Variants in EXOC4 observed in about 807,000 individuals in gnomAD.
EXOC4 encodes the protein SEC8-like 1.
EXOC4 carries 71 observed loss-of-function variants against 107.2 expected under a neutral mutation model. That is an observed-to-expected ratio of 0.66 (90% confidence interval 0.55 to 0.81). The LOEUF is 0.81. EXOC4 is among the 30% of genes least tolerant of loss of function. EXOC4 has a pLI of 0.00. For synonymous variants in EXOC4, 456 were observed against 441.2 expected (o/e 1.03, Z -0.42); for missense variants, 1,108 against 1,189.6 (o/e 0.93, Z 1.01).
At chr7:133,478,065 AG>A (rs1231558286) in intron 8 of EXOC4, among the ~76,000 whole-genome samples, 1 of 152,124 alleles carries the variant, frequency 6.6e-6, no homozygotes, top group Non-Finnish European at 1.5e-5. Flanking sequence ...TAGAAGGAAA[AG>A]GTAGTTGGTA....
chr7:133,567,843 C>T (rs1035375086), intron 9 of EXOC4, among the ~76,000 whole-genome samples: 4 of 152,090 alleles, frequency 2.6e-5, no homozygotes, highest in Admixed American at 1.3e-4. Flanking sequence ...AATTCATTCC[C>T]GTGATAGGAA....
intron 10 of EXOC4, among the ~76,000 whole-genome samples, chr7:133,741,434 TTAACA>T (rs1384415651): frequency 3.9e-5 from 6 of 152,206 alleles, no homozygotes; most frequent in Admixed American, 1.3e-4. Flanking sequence ...CTTTCTTTAG[TTAACA>T]TAACACCTCG....
rs560673470 is a variant in EXOC4, at chr7:134,053,267, C to T, written c.2688-11024C>T. On this transcript the variant is annotated intron_variant, in intron 17 of 17. Coordinates refer to ENST00000253861, the MANE Select transcript of EXOC4 (RefSeq NM_021807.4). ...AAAAAAAAAAAGAAGAAGAATTCAG[C>T]CCTGCTCCAGTAGAACCTGCATTGG... Among the ~76,000 whole-genome samples, 3 of 152,010 alleles carry T rather than the reference C, an allele frequency of 2.0e-5. No individual in the cohort carries two copies. In the East Asian group the frequency reaches 5.8e-4, roughly 29 times the overall value.
chr7:133,557,979 A>C (rs1800726982), intron 9 of EXOC4, among the ~76,000 whole-genome samples: 1 of 152,154 alleles, frequency 6.6e-6, no homozygotes, highest in Non-Finnish European at 1.5e-5. Context: ...ACAGAGCAAG[A>C]CTTCTTCTCA....
chr7:133,350,387 T>C (rs1795881814), intron 5 of EXOC4, among the ~76,000 whole-genome samples: 1 of 152,094 alleles, frequency 6.6e-6, no homozygotes, highest in African/African-American at 2.4e-5. Flanking sequence ...ATTTTTTGTA[T>C]GTAGATATTG....
intron 14 of EXOC4, among the ~76,000 whole-genome samples, chr7:133,964,965 A>G (rs1466565126): frequency 2.0e-5 from 3 of 152,150 alleles, no homozygotes; most frequent in East Asian, 3.9e-4. Context: ...AAGCATTCCT[A>G]TTTCTCCACA....
chr7:134,002,410 T>C (rs1456245086), intron 15 of EXOC4, among the ~76,000 whole-genome samples: 1 of 152,156 alleles, frequency 6.6e-6, no homozygotes, highest in Non-Finnish European at 1.5e-5. Flanking sequence ...ATGATCTTTT[T>C]TAGGCAAAGA....
chr7:133,480,183 T>C, intron 9 of EXOC4, 45 bp downstream of exon 9: 1 of 1,600,078 alleles, frequency 6.2e-7, no homozygotes, highest in South Asian at 1.1e-5. Context: ...TCTGGAGGAG[T>C]ATTTCCTTTA....
intron 5 of EXOC4, among the ~76,000 whole-genome samples, chr7:133,343,596 G>GT (rs1415362333): frequency 0.014 from 2,005 of 141,958 alleles, 23 homozygotes; most frequent in African/African-American, 0.041. Flanking sequence ...TTTTAGTTCC[G>GT]TTTTTTTTTT....
At chr7:133,697,397 T>C (rs550532841) in intron 10 of EXOC4, among the ~76,000 whole-genome samples, 7 of 152,248 alleles carry the variant, frequency 4.6e-5, no homozygotes, top group Non-Finnish European at 8.8e-5. Flanking sequence ...AAGTAAATGT[T>C]ATTATTTCCC....
At chr7:133,345,718 G>A (rs1047426500) in intron 5 of EXOC4, among the ~76,000 whole-genome samples, 1 of 151,962 alleles carries the variant, frequency 6.6e-6, no homozygotes, top group African/African-American at 2.4e-5. Flanking sequence ...CCACTTTCAC[G>A]TACGGGAGGA....
intron 5 of EXOC4, among the ~76,000 whole-genome samples, chr7:133,326,781 G>A (rs1029540277): frequency 3.9e-5 from 6 of 152,208 alleles, no homozygotes; most frequent in South Asian, 4.1e-4. Flanking sequence ...GCTGCCTTTC[G>A]TTCGGCTATG....
intron 1 of EXOC4, among the ~76,000 whole-genome samples, chr7:133,272,411 A>T (rs1022757128): frequency 3.3e-5 from 5 of 152,204 alleles, no homozygotes; most frequent in Admixed American, 6.5e-5. Flanking sequence ...CAGCTGTTTC[A>T]TCTGTAAAAA....
At chr7:133,710,270 C>G (rs1794857413) in intron 10 of EXOC4, among the ~76,000 whole-genome samples, 1 of 152,082 alleles carries the variant, frequency 6.6e-6, no homozygotes, top group Admixed American at 6.5e-5. Flanking sequence ...CCCTCTTGCT[C>G]AAAGGCCTGG....
intron 9 of EXOC4, among the ~76,000 whole-genome samples, chr7:133,603,000 A>G (rs1801844108): frequency 7.0e-6 from 1 of 143,298 alleles, no homozygotes; most frequent in African/African-American, 2.7e-5. Context: ...AATGTCTACT[A>G]CTACCCCAGT....
intron 10 of EXOC4, among the ~76,000 whole-genome samples, chr7:133,718,927 T>G (rs1009304808): frequency 1.3e-5 from 2 of 152,098 alleles, no homozygotes; most frequent in Non-Finnish European, 2.9e-5. Flanking sequence ...GGGCCCTTAA[T>G]GTAAGACCAA....
chr7:134,060,652 T>C (rs1796034874), intron 17 of EXOC4, among the ~76,000 whole-genome samples: 1 of 152,244 alleles, frequency 6.6e-6, no homozygotes, highest in African/African-American at 2.4e-5. Context: ...AAGCTCATTC[T>C]AATGGTATAG....
At chr7:133,366,109 G>T (rs1792924692) in intron 6 of EXOC4, among the ~76,000 whole-genome samples, 1 of 152,130 alleles carries the variant, frequency 6.6e-6, no homozygotes, top group Admixed American at 6.5e-5. Context: ...CCAGCCAAAT[G>T]ACTAATTCAA....
At chr7:133,685,094 C>T (rs1398428530) in intron 10 of EXOC4, among the ~76,000 whole-genome samples, 1 of 152,156 alleles carries the variant, frequency 6.6e-6, no homozygotes, top group Admixed American at 6.5e-5. Context: ...GAGTTCACAA[C>T]CCCCAATCAT....
Sources: allele counts gnomAD v4.1 joint callset (sites outside exome capture counted in the v4.1 genomes callset), GRCh38; gene constraint gnomAD v4.1.1; transcripts MANE v1.5; gene names NCBI Gene and HGNC (gene_info 2026-07-23, HGNC 2026-07-21).